Variants in FGD4 observed in about 807,000 individuals in gnomAD.
The protein encoded by FGD4 is FYVE, RhoGEF and PH domain-containing protein 4.
A neutral mutation model predicts 102.0 loss-of-function variants in FGD4; 42 were observed. That is an observed-to-expected ratio of 0.41 (90% confidence interval 0.32 to 0.53). FGD4 has a LOEUF of 0.53. Ranked by LOEUF, FGD4 falls within the 20% of genes least tolerant of loss-of-function variation. The pLI, the probability that FGD4 is intolerant of heterozygous loss-of-function variation, is 0.21. For synonymous variants in FGD4, 380 were observed against 375.7 expected, an observed-to-expected ratio of 1.01 and a Z score of -0.13; for missense variants, 902 against 1,078.2, an observed-to-expected ratio of 0.84 and a Z score of 2.29.
At chr12:32,555,078 GGGTCTTACTGC>G (rs1166027758) in intron 1 of FGD4, among the ~76,000 whole-genome samples, 4 of 152,344 alleles carry the variant, frequency 2.6e-5, no homozygotes, top group Non-Finnish European at 2.9e-5. Flanking sequence ...GAAGGAGCAG[GGGTCTTACTGC>G]TGTAATTCAG....
At position 32,602,237 on chromosome 12, in the gene FGD4, G is replaced by A. The variant is rs1307673832; in HGVS notation, c.1324G>A (p.Gly442Arg). The change falls in exon 7 of 17, where the codon GGA (glycine) becomes AGA (arginine). Residue 442 changes from glycine (G) to arginine (R), a missense_variant. Transcript: ENST00000534526. The stretch of plus-strand genomic sequence containing the variant: ...TAAGATGTATGGAGAATATGTGAAA[G>A]GATTTGATAATGCAATGGAATTGGT... ...FLKMYGEYVKGFDNAMELVKN... is the reference protein window; with the variant it reads ...FLKMYGEYVKRFDNAMELVKN... 1.2e-6 allele frequency: 2 copies of A among 1,614,004 alleles called. No individual in the cohort carries two copies. Among genetic ancestry groups the A allele is most frequent in the Non-Finnish European group, 1.7e-6 (2 of 1,180,022 alleles).
chr12:32,436,088 T>C (rs1565739098), intron 1 of FGD4, among the ~76,000 whole-genome samples: 1 of 152,218 alleles, frequency 6.6e-6, no homozygotes, highest in Non-Finnish European at 1.5e-5. Context: ...ATTTTCCTTC[T>C]GTAAATGTCT....
chr12:32,422,373 A>G (rs1941670169), intron 1 of FGD4, among the ~76,000 whole-genome samples: 1 of 129,518 alleles, frequency 7.7e-6, no homozygotes, highest in Non-Finnish European at 1.6e-5. Flanking sequence ...ATCTCGGTTC[A>G]CTACAAGCTC....
chr12:32,471,639 A>G lies in FGD4; in HGVS notation c.166+71680A>G, dbSNP rs185536338. 9.2e-5 allele frequency among the ~76,000 whole-genome samples: 14 copies of G among 152,164 alleles called. No individual in the cohort carries two copies. In the East Asian group the frequency reaches 2.5e-3, roughly 27 times the overall value. On this transcript the variant is annotated intron_variant, in intron 1 of 16. Coordinates refer to ENST00000534526, the MANE Select transcript of FGD4 (RefSeq NM_001370298.3). ...AATTAGTGATTTATTATGTCTCATG[A>G]TTCAGTGGGCTGACCAAGCTGTTCT...
At chr12:32,582,488 A>T in intron 4 of FGD4, 21 bp downstream of exon 4, 4 of 1,604,540 alleles carry the variant, frequency 2.5e-6, no homozygotes, top group Non-Finnish European at 3.4e-6. Context: ...AGACTAGCTC[A>T]TGAGCAGGGA....
At chr12:32,634,639 T>C (rs1267536527) in intron 15 of FGD4, among the ~76,000 whole-genome samples, 1 of 152,184 alleles carries the variant, frequency 6.6e-6, no homozygotes, top group Non-Finnish European at 1.5e-5. Context: ...TATAGAAGAA[T>C]AGGCTCAGGA....
intron 4 of FGD4, among the ~76,000 whole-genome samples, chr12:32,596,485 C>A (rs1314533692): frequency 3.3e-5 from 5 of 151,978 alleles, no homozygotes; most frequent in African/African-American, 1.2e-4. Context: ...TTTGAATAAC[C>A]CTGAATGTAC....
At chr12:32,589,957 G>A (rs1307447328) in intron 4 of FGD4, among the ~76,000 whole-genome samples, 1 of 152,134 alleles carries the variant, frequency 6.6e-6, no homozygotes, top group African/African-American at 2.4e-5. Flanking sequence ...ACTTCTTGAA[G>A]CTTCTTGAAG....
chr12:32,570,095 C>G (rs1269167752), intron 2 of FGD4, among the ~76,000 whole-genome samples: 1 of 151,886 alleles, frequency 6.6e-6, no homozygotes, highest in African/African-American at 2.4e-5. Flanking sequence ...AAAAAATTAG[C>G]CAGTCGTGGG....
At chr12:32,470,025 A>G (rs985268151) in intron 1 of FGD4, among the ~76,000 whole-genome samples, 2 of 151,926 alleles carry the variant, frequency 1.3e-5, no homozygotes, top group African/African-American at 4.8e-5. Flanking sequence ...TTTTTCCCTG[A>G]AAGTCACCAT....
intron 1 of FGD4, among the ~76,000 whole-genome samples, chr12:32,563,115 G>A (rs1249641548): frequency 1.3e-5 from 2 of 150,766 alleles, no homozygotes; most frequent in Admixed American, 6.6e-5. Context: ...CCTCCCTCCC[G>A]GACGGGACGG....
Position 32,414,787 on chromosome 12 carries a change from G to A in FGD4, c.166+14828G>A, listed in dbSNP as rs913821216. ...ATTTTGTATTTTATTCATTTCAAAT[G>A]TATTTATTTCTGCTCTGATCTTTAT... On this transcript the variant is annotated intron_variant, in intron 1 of 16. Coordinates refer to ENST00000534526, the MANE Select transcript of FGD4 (RefSeq NM_001370298.3). Among the ~76,000 whole-genome samples the A allele has an allele frequency of 2.2e-4, 33 of 152,138 alleles. 1 individual carries two copies. Among genetic ancestry groups the A allele is most frequent in the Admixed American group, 2.1e-3 (32 of 15,252 alleles).
chr12:32,558,801 G>C (rs765137487), intron 1 of FGD4, among the ~76,000 whole-genome samples: 16 of 152,174 alleles, frequency 1.1e-4, no homozygotes, highest in Non-Finnish European at 1.9e-4. Context: ...GGCTAATTGA[G>C]AATATTTGAG....
chr12:32,589,053 C>T (rs1409230628), intron 4 of FGD4, among the ~76,000 whole-genome samples: 1 of 152,220 alleles, frequency 6.6e-6, no homozygotes, highest in Non-Finnish European at 1.5e-5. Context: ...ACTTCAACCT[C>T]CCTGTGCCTC....
chr12:32,478,018 A>G (rs1180566942), intron 1 of FGD4, among the ~76,000 whole-genome samples: 5 of 152,174 alleles, frequency 3.3e-5, no homozygotes, highest in East Asian at 1.9e-4. Context: ...ATTTCTCCAT[A>G]TCTAATTTGG....
intron 1 of FGD4, among the ~76,000 whole-genome samples, chr12:32,406,135 T>G (rs1446148654): frequency 6.6e-6 from 1 of 151,850 alleles, no homozygotes; most frequent in Non-Finnish European, 1.5e-5. Flanking sequence ...TAAAGACAGG[T>G]TATCTCCTTG....
chr12:32,503,715 A>G (rs1009997811), intron 1 of FGD4, among the ~76,000 whole-genome samples: 1 of 152,218 alleles, frequency 6.6e-6, no homozygotes, highest in African/African-American at 2.4e-5. Context: ...AAATTTCCTT[A>G]GCATAATCTA....
intron 1 of FGD4, among the ~76,000 whole-genome samples, chr12:32,550,773 A>G (rs1943601859): frequency 6.6e-6 from 1 of 152,090 alleles, no homozygotes; most frequent in Non-Finnish European, 1.5e-5. Context: ...TTGTGATACT[A>G]GCAAATGAAG....
chr12:32,542,038 C>A (rs978930743), intron 1 of FGD4, among the ~76,000 whole-genome samples: 49 of 152,202 alleles, frequency 3.2e-4, no homozygotes, highest in African/African-American at 1.1e-3. Context: ...TACCTTGGAA[C>A]AAATGATAGT....
Sources: allele counts gnomAD v4.1 joint callset (sites outside exome capture counted in the v4.1 genomes callset), GRCh38; gene constraint gnomAD v4.1.1; transcripts MANE v1.5; gene names NCBI Gene and HGNC (gene_info 2026-07-23, HGNC 2026-07-21).